DCC: variants seen among roughly 807,000 people sequenced by gnomAD.
DCC encodes the protein DCC netrin 1 receptor, also known as netrin receptor DCC.
In DCC, 58 loss-of-function variants were observed where a neutral mutation model predicts 172.5. The observed-to-expected ratio is 0.34, with a 90% CI of 0.27 to 0.42. The LOEUF is 0.42. Among genes scored for constraint, DCC ranks in the 10% least tolerant of loss-of-function variants. DCC has a pLI of 1.00. For missense variants in DCC, 1,740 were observed against 1,791.0 expected (o/e 0.97, Z 0.51); for synonymous variants, 709 against 644.5 (o/e 1.10, Z -1.52).
intron 1 of DCC, among the ~76,000 whole-genome samples, chr18:52,642,275 G>T (rs1306076796): frequency 6.6e-6 from 1 of 151,814 alleles, no homozygotes; most frequent in Non-Finnish European, 1.5e-5. Context: ...AGGCTGTGAG[G>T]ATGCAAAGGC....
intron 27 of DCC, among the ~76,000 whole-genome samples, chr18:53,513,718 A>G (rs576482024): frequency 5.3e-5 from 8 of 151,518 alleles, no homozygotes; most frequent in Admixed American, 2.6e-4. Context: ...GACAAAGAAG[A>G]CCATTACATA....
At chr18:52,915,549 C>T (rs1011695953) in intron 3 of DCC, among the ~76,000 whole-genome samples, 7 of 152,114 alleles carry the variant, frequency 4.6e-5, no homozygotes, top group African/African-American at 1.2e-4. Flanking sequence ...ATCTTCCCTT[C>T]TTTAGGGCAT....
At chr18:52,375,514 A>G (rs1479579257) in intron 1 of DCC, among the ~76,000 whole-genome samples, 1 of 152,224 alleles carries the variant, frequency 6.6e-6, no homozygotes, top group Non-Finnish European at 1.5e-5. Context: ...TAGAAACAAG[A>G]TTGTAGGAAC....
chr18:52,442,091 T>C (rs531370434), intron 1 of DCC, among the ~76,000 whole-genome samples: 51 of 152,318 alleles, frequency 3.3e-4, no homozygotes, highest in Non-Finnish European at 6.3e-4. Flanking sequence ...GGAGAAGGAA[T>C]GTAATACAGT....
At chr18:53,251,759 T>C (rs2056438379) in intron 12 of DCC, among the ~76,000 whole-genome samples, 1 of 151,956 alleles carries the variant, frequency 6.6e-6, no homozygotes, top group Non-Finnish European at 1.5e-5. Flanking sequence ...ATATCATTAG[T>C]GGTTAGAGAA....
intron 1 of DCC, among the ~76,000 whole-genome samples, chr18:52,675,560 A>G (rs1025688183): frequency 9.9e-5 from 15 of 152,224 alleles, no homozygotes; most frequent in Non-Finnish European, 2.2e-4. Flanking sequence ...CCTTGGGTAC[A>G]TAATCTCAGG....
chr18:53,162,771 A>G (rs2054862798), intron 8 of DCC, among the ~76,000 whole-genome samples: 1 of 151,994 alleles, frequency 6.6e-6, no homozygotes, highest in Non-Finnish European at 1.5e-5. Flanking sequence ...TGTACTTTTT[A>G]TTTTTATTTT....
chr18:53,370,835 A>G (rs994262285), intron 15 of DCC, among the ~76,000 whole-genome samples: 6 of 151,844 alleles, frequency 4.0e-5, no homozygotes, highest in African/African-American at 7.2e-5. Flanking sequence ...AGTGTTCTAC[A>G]TATGCCTGTT....
intron 2 of DCC, among the ~76,000 whole-genome samples, chr18:52,887,515 T>C (rs1280942133): frequency 6.6e-6 from 1 of 152,204 alleles, no homozygotes; most frequent in Non-Finnish European, 1.5e-5. Context: ...TCTTAAACTT[T>C]TATTTTTAGA....
chr18:52,941,621 G>T (rs560315866), intron 5 of DCC, among the ~76,000 whole-genome samples: 9 of 151,752 alleles, frequency 5.9e-5, no homozygotes, highest in Non-Finnish European at 1.3e-4. Flanking sequence ...GAAATATTTT[G>T]TCATTAAAGA....
chr18:53,491,367 ATTTC>A (rs1176750179), intron 26 of DCC, among the ~76,000 whole-genome samples: 7 of 151,062 alleles, frequency 4.6e-5, no homozygotes, highest in African/African-American at 4.9e-5. Flanking sequence ...AATAATGTAG[ATTTC>A]TTTATTATAC....
intron 2 of DCC, among the ~76,000 whole-genome samples, chr18:52,812,999 G>A (rs958703249): frequency 6.6e-6 from 1 of 152,136 alleles, no homozygotes; most frequent in African/African-American, 2.4e-5. Context: ...GATCCACTTA[G>A]TATTTACAGA....
intron 5 of DCC, among the ~76,000 whole-genome samples, chr18:52,929,910 C>CCTCATTTT (rs2040280314): frequency 6.7e-6 from 1 of 148,894 alleles, no homozygotes; most frequent in Non-Finnish European, 1.5e-5. Flanking sequence ...TATATTGTAT[C>CCTCATTTT]CTCATTTTCA....
At chr18:52,598,282 T>G (rs2033946932) in intron 1 of DCC, among the ~76,000 whole-genome samples, 1 of 152,164 alleles carries the variant, frequency 6.6e-6, no homozygotes, top group Non-Finnish European at 1.5e-5. Context: ...AGACCCTTAG[T>G]ATGAGAGCTA....
At chr18:52,478,201 T>C (rs1989150692) in intron 1 of DCC, among the ~76,000 whole-genome samples, 1 of 151,502 alleles carries the variant, frequency 6.6e-6, no homozygotes, top group Admixed American at 6.6e-5. Flanking sequence ...TTTCTCTTGA[T>C]TTTTTATGTT....
intron 1 of DCC, among the ~76,000 whole-genome samples, chr18:52,728,491 A>T (rs995134874): frequency 3.9e-5 from 6 of 152,176 alleles, no homozygotes. Context: ...AGATCATTGT[A>T]TTTTGATGCA....
Position 52,378,728 on chromosome 18 carries a change from T to G in DCC, c.91+37850T>G, listed in dbSNP as rs544572056. 3.3e-5 allele frequency among the ~76,000 whole-genome samples: 5 copies of G among 152,062 alleles called. 1 individual carries two copies. The South Asian group carries it at 1.0e-3, about 32-fold the overall frequency. The stretch of plus-strand genomic sequence containing the variant: ...TGCCCAGCTAGCTTTTTGTACTTTT[T>G]GTAGATATGGGGTTTTGTCATGTAG... On this transcript the variant is annotated intron_variant, in intron 1 of 28. Coordinates refer to ENST00000442544, the MANE Select transcript of DCC (RefSeq NM_005215.4).
chr18:52,614,242 C>A (rs59705060), intron 1 of DCC, among the ~76,000 whole-genome samples: 9,092 of 152,160 alleles, frequency 0.06, 388 homozygotes, highest in South Asian at 0.15. Context: ...ACGAAGTGTA[C>A]TAAACTGTAA....
intron 1 of DCC, among the ~76,000 whole-genome samples, chr18:52,417,963 C>G (rs1157877829): frequency 6.6e-6 from 1 of 152,186 alleles, no homozygotes; most frequent in Non-Finnish European, 1.5e-5. Context: ...TAGCGCAGCT[C>G]TGTCCGCATC....
Sources: allele counts gnomAD v4.1 joint callset (sites outside exome capture counted in the v4.1 genomes callset), GRCh38; gene constraint gnomAD v4.1.1; transcripts MANE v1.5; gene names NCBI Gene and HGNC (gene_info 2026-07-23, HGNC 2026-07-21).